The following ADNP variants were observed in gnomAD, a reference collection of about 807,000 sequenced individuals.
ADNP encodes the protein activity dependent neuroprotector homeobox.
In ADNP, 4 loss-of-function variants were observed where a neutral mutation model predicts 84.9. The ratio of observed to expected loss-of-function variants is 0.05; its 90% CI spans 0.02 to 0.11. The LOEUF (loss-of-function observed/expected upper bound fraction) is 0.11. Ranked by LOEUF, ADNP falls within the 10% of genes least tolerant of loss-of-function variation. The pLI, the probability that ADNP is intolerant of heterozygous loss-of-function variation, is 1.00. For missense variants in ADNP, 1,132 were observed against 1,326.0 expected (o/e 0.85, Z 2.27); for synonymous variants, 554 against 468.1 (o/e 1.18, Z -2.37).
chr20:50,898,717 A>C (rs894397207), intron 5 of ADNP, among the ~76,000 whole-genome samples: 1 of 152,246 alleles, frequency 6.6e-6, no homozygotes, highest in Non-Finnish European at 1.5e-5. Flanking sequence ...CATGATGAAC[A>C]AAATACCATG....
chr20:50,930,357 CAACCCCGTCCCCCCT>C (rs1236256949), intron 1 of ADNP, among the ~76,000 whole-genome samples: 2 of 151,966 alleles, frequency 1.3e-5, no homozygotes, highest in Non-Finnish European at 2.9e-5. Context: ...CCGCCCCCCC[CAACCCCGTCCCCCCT>C]CCCCCAGGTA....
intron 2 of ADNP, among the ~76,000 whole-genome samples, chr20:50,919,238 T>C (rs574645951): frequency 1.4e-4 from 21 of 150,270 alleles, no homozygotes; most frequent in Non-Finnish European, 2.7e-4. Context: ...GGTGGGAGGA[T>C]TGCTTGAGCC....
At chr20:50,921,371 CACTT>C (rs1328622078) in intron 2 of ADNP, among the ~76,000 whole-genome samples, 10 of 152,236 alleles carry the variant, frequency 6.6e-5, no homozygotes, top group African/African-American at 2.2e-4. Context: ...AGCTCAGTGA[CACTT>C]AAAATATTTA....
intron 2 of ADNP, among the ~76,000 whole-genome samples, chr20:50,918,161 A>C (rs749155978): frequency 1.3e-5 from 2 of 151,686 alleles, no homozygotes; most frequent in Non-Finnish European, 2.9e-5. Context: ...AAAAATAAAC[A>C]CATTCTTTTT....
At chr20:50,927,134 A>G (rs1004586112) in intron 2 of ADNP, among the ~76,000 whole-genome samples, 1 of 152,150 alleles carries the variant, frequency 6.6e-6, no homozygotes, top group East Asian at 1.9e-4. Context: ...CCATCTGTTC[A>G]AGGTTGTGAA....
At chr20:50,926,965 CT>C (rs1319853800) in intron 2 of ADNP, among the ~76,000 whole-genome samples, 4 of 152,080 alleles carry the variant, frequency 2.6e-5, no homozygotes, top group Non-Finnish European at 5.9e-5. Context: ...AAAATACTAA[CT>C]TTTTAATACT....
At chr20:50,899,543 C>G (rs539209637) in intron 5 of ADNP, among the ~76,000 whole-genome samples, 200 of 152,036 alleles carry the variant, frequency 1.3e-3, no homozygotes, top group African/African-American at 4.5e-3. Flanking sequence ...TTGAGTGTAC[C>G]ACTTACTTCT....
chr20:50,897,827 A>G (rs1981571577), intron 5 of ADNP, among the ~76,000 whole-genome samples: 1 of 152,210 alleles, frequency 6.6e-6, no homozygotes, highest in Non-Finnish European at 1.5e-5. Context: ...AGGGTATGTT[A>G]TTCTCTCAAT....
chr20:50,901,179 G>C (rs757208073), intron 5 of ADNP, among the ~76,000 whole-genome samples: 2 of 152,006 alleles, frequency 1.3e-5, no homozygotes, highest in Admixed American at 6.6e-5. Context: ...GAAATACTCT[G>C]CTTCTCCTCA....
intron 1 of ADNP, among the ~76,000 whole-genome samples, chr20:50,930,351 C>T (rs1481992242): frequency 6.6e-6 from 1 of 152,044 alleles, no homozygotes; most frequent in Non-Finnish European, 1.5e-5. Flanking sequence ...TGCTCCCCGC[C>T]CCCCCCAACC....
intron 2 of ADNP, among the ~76,000 whole-genome samples, chr20:50,920,330 C>G (rs1983870845): frequency 6.6e-6 from 1 of 150,474 alleles, no homozygotes; most frequent in South Asian, 2.1e-4. Context: ...CCTGCAATCC[C>G]AGCACTTTGG....
intron 5 of ADNP, among the ~76,000 whole-genome samples, chr20:50,897,751 T>C (rs1981559371): frequency 6.6e-6 from 1 of 152,198 alleles, no homozygotes; most frequent in South Asian, 2.1e-4. Flanking sequence ...TGGTGTTTGA[T>C]ACTGGGATGA....
At chr20:50,921,914 C>G (rs975370918) in intron 2 of ADNP, among the ~76,000 whole-genome samples, 1 of 152,144 alleles carries the variant, frequency 6.6e-6, no homozygotes, top group East Asian at 1.9e-4. Flanking sequence ...GGAGCACTTC[C>G]CAGTTTACTT....
At chr20:50,906,479 C>T (rs1002983993) in intron 2 of ADNP, among the ~76,000 whole-genome samples, 2 of 152,146 alleles carry the variant, frequency 1.3e-5, no homozygotes, top group African/African-American at 4.8e-5. Flanking sequence ...CAGATGTGTC[C>T]AGAAGCCAGC....
chr20:50,911,379 G>A (rs143476802), intron 2 of ADNP, among the ~76,000 whole-genome samples: 200 of 152,280 alleles, frequency 1.3e-3, no homozygotes, highest in Middle Eastern at 3.4e-3. Context: ...CGCATACGGT[G>A]AGAGATAGGG....
intron 2 of ADNP, among the ~76,000 whole-genome samples, chr20:50,915,196 T>G (rs1195499814): frequency 6.6e-6 from 1 of 152,220 alleles, no homozygotes; most frequent in African/African-American, 2.4e-5. Context: ...CTTTCCTTCC[T>G]GCCTTTACCT....
Position 50,893,629 on chromosome 20 carries a change from T to C in ADNP, c.1085A>G (p.Gln362Arg), listed in dbSNP as rs1981058998. The C allele has an allele frequency of 1.2e-6, 2 of 1,614,176 alleles. No homozygotes were observed. Among genetic ancestry groups the C allele is most frequent in the Non-Finnish European group, 1.7e-6 (2 of 1,180,038 alleles). Reference sequence around the variant, plus strand: ...AAGTAACTGCTTTACAGACTGAGATTGTTGAGGAATGGAAACTGGTGCGTT... The same window carrying C: ...AAGTAACTGCTTTACAGACTGAGATCGTTGAGGAATGGAAACTGGTGCGTT... ...GGNAPVSIPQ[Q>R]SQSVKQLLPS... The change falls in exon 6 of 6, where the codon CAA (glutamine) becomes CGA (arginine). Residue 362 changes from glutamine to arginine, a missense_variant. By Grantham distance (43) the Gln-to-Arg change is conservative (BLOSUM62 1). Transcript: ENST00000621696. This position sits in a 1 kb window ranked among gnomAD's most constrained non-coding sequence, Gnocchi z 4.4.
intron 4 of ADNP, 132 bp downstream of exon 4, chr20:50,903,757 A>G (rs929960574): frequency 3.0e-6 from 2 of 670,268 alleles, no homozygotes; most frequent in African/African-American, 3.6e-5. Context: ...GCTATTGAGA[A>G]TGTTTTCGTG....
At chr20:50,924,341 C>A (rs1034427001) in intron 2 of ADNP, among the ~76,000 whole-genome samples, 1 of 152,216 alleles carries the variant, frequency 6.6e-6, no homozygotes, top group African/African-American at 2.4e-5. Flanking sequence ...GTGTGGCTAG[C>A]TTCTTTACAT....
Sources: allele counts gnomAD v4.1 joint callset (sites outside exome capture counted in the v4.1 genomes callset), GRCh38; gene constraint gnomAD v4.1.1; non-coding constraint Gnocchi (gnomAD v3.1); transcripts MANE v1.5; gene names NCBI Gene and HGNC (gene_info 2026-07-23, HGNC 2026-07-21).